Variants in GOLGA4 observed in about 807,000 individuals in gnomAD.
The protein encoded by GOLGA4 is golgin A4.
Under a neutral mutation model 265.9 loss-of-function variants are expected in GOLGA4, and 169 were observed. The ratio of observed to expected loss-of-function variants is 0.64; its 90% confidence interval spans 0.56 to 0.72. The LOEUF (loss-of-function observed/expected upper bound fraction) is 0.72. Ranked by LOEUF, GOLGA4 falls within the 30% of genes least tolerant of loss-of-function variation. The probability of loss-of-function intolerance (pLI) is 0.00; values close to 1 mark genes in which losing one functional copy is unlikely to be tolerated. For synonymous variants in GOLGA4, 923 were observed against 855.8 expected, an observed-to-expected ratio of 1.08 and a Z score of -1.37; for missense variants, 2,482 against 2,483.4, an observed-to-expected ratio of 1.00 and a Z score of 0.01.
At chr3:37,333,636 A>G (rs770941033) in intron 16 of GOLGA4, among the ~76,000 whole-genome samples, 86 of 152,198 alleles carry the variant, frequency 5.7e-4, no homozygotes, top group Admixed American at 1.2e-3. Flanking sequence ...ACAGCCATAC[A>G]AGAAATGTCA....
intron 20 of GOLGA4, among the ~76,000 whole-genome samples, chr3:37,346,065 G>A (rs2097055261): frequency 2.0e-5 from 3 of 151,998 alleles, no homozygotes; most frequent in Admixed American, 2.0e-4. Context: ...ATATATAGAA[G>A]GATATATTAC....
At chr3:37,301,042 ATC>A (rs753906266) in intron 9 of GOLGA4, among the ~76,000 whole-genome samples, 5 of 152,154 alleles carry the variant, frequency 3.3e-5, no homozygotes, top group Admixed American at 3.3e-4. Flanking sequence ...CGTGGTTGTT[ATC>A]TCTCTGTCTC....
At chr3:37,302,046 C>T in intron 9 of GOLGA4, 139 bp from the exon 10 acceptor site, 1 of 697,930 alleles carries the variant, frequency 1.4e-6, no homozygotes. Flanking sequence ...TCCTTGGCCT[C>T]CCAAAGTGCT....
At chr3:37,357,259 A>G (rs926875084) in intron 22 of GOLGA4, among the ~76,000 whole-genome samples, 4 of 152,092 alleles carry the variant, frequency 2.6e-5, no homozygotes, top group African/African-American at 9.7e-5. Context: ...CTTTTCTACT[A>G]TTCCTTTAAG....
At chr3:37,347,068 T>C in intron 20 of GOLGA4, 125 bp from the exon 21 acceptor site, 1 of 582,922 alleles carries the variant, frequency 1.7e-6, no homozygotes, top group South Asian at 2.2e-5. Flanking sequence ...TACAATGCAA[T>C]ATGATACAAT....
intron 1 of GOLGA4, chr3:37,245,320 G>A (rs564166698): frequency 2.0e-4 from 31 of 152,648 alleles, no homozygotes; most frequent in East Asian, 7.7e-4. Flanking sequence ...AGTGAGGCTC[G>A]AAGAGGTGAA....
At chr3:37,341,722 A>G (rs1365232209) in intron 20 of GOLGA4, 2 of 152,210 alleles carry the variant, frequency 1.3e-5, no homozygotes, top group East Asian at 1.9e-4. Context: ...AGGCCTGGTT[A>G]CTACTTGGAT....
intron 2 of GOLGA4, among the ~76,000 whole-genome samples, chr3:37,256,141 C>T (rs2096748083): frequency 6.6e-6 from 1 of 152,110 alleles, no homozygotes; most frequent in South Asian, 2.1e-4. Context: ...CTCTACTGTT[C>T]TACATTTTTT....
At chr3:37,356,765 GA>G (rs1253165965) in intron 22 of GOLGA4, among the ~76,000 whole-genome samples, 2 of 152,058 alleles carry the variant, frequency 1.3e-5, no homozygotes, top group Non-Finnish European at 2.9e-5. Context: ...TCCAGTTTAA[GA>G]AAATAATTTT....
intron 2 of GOLGA4, among the ~76,000 whole-genome samples, chr3:37,257,428 A>G (rs1414949571): frequency 2.0e-5 from 3 of 152,018 alleles, no homozygotes; most frequent in Non-Finnish European, 2.9e-5. Flanking sequence ...AGATCTATTA[A>G]AGTTAACTTT....
At chr3:37,299,400 A>G (rs746651588) in intron 9 of GOLGA4, 29 bp downstream of exon 9, 1 of 1,408,862 alleles carries the variant, frequency 7.1e-7, no homozygotes, top group Admixed American at 1.8e-5. Flanking sequence ...TGATACTAAA[A>G]TTTGTCAAGA....
chr3:37,314,508 G>T (rs916130290), intron 10 of GOLGA4, among the ~76,000 whole-genome samples: 1 of 151,962 alleles, frequency 6.6e-6, no homozygotes, highest in Non-Finnish European at 1.5e-5. Context: ...AGGCATGGTG[G>T]TGCATGCCTG....
intron 2 of GOLGA4, among the ~76,000 whole-genome samples, chr3:37,275,215 CAAAAAAAAAAA>C (rs749758741): frequency 8.9e-5 from 4 of 44,962 alleles, no homozygotes; most frequent in East Asian, 1.8e-3. Context: ...GACTCCGTCT[CAAAAAAAAAAA>C]AAAAAAAAAA....
chr3:37,321,764 C>T lies in GOLGA4; in HGVS notation c.1579C>T (p.Gln527Ter), dbSNP rs2096955488. 2.5e-6 allele frequency: 4 copies of T among 1,610,274 alleles called. No homozygotes were observed. The highest frequency in any genetic ancestry group is 3.4e-6 in the Non-Finnish European group (4 of 1,178,898). Residue 527 changes from glutamine (Q) to a stop codon, truncating the protein, a stop_gained, in exon 13 of 24, where the codon CAA becomes TAA. Transcript: ENST00000361924. LOFTEE classifies it high-confidence loss of function. ...TCAATCAGAATATTTGAAGATCAGC[C>T]AAGAAAAAGAACAGCAAGAATCTTT... Reference protein sequence around the residue: ...KSQSEYLKISQEKEQQESLAL... With the variant: ...KSQSEYLKIS
In GOLGA4 at chr3:37,326,554, T is replaced by C; in HGVS notation, c.4668T>C (p.Asp1556=). Residue 1556 remains aspartate (D), a synonymous_variant, in exon 14 of 24, where the codon GAT becomes GAC. Coordinates refer to ENST00000361924, the MANE Select transcript of GOLGA4 (RefSeq NM_002078.5). The part of the protein sequence containing the change: ...EVLKNYNQQK[D]IEHKELVQKL... ...TTAAAAATTACAATCAACAAAAGGATATTGAACACAAAGAATTGGTTCAGA... is the reference window on the plus strand; with the variant it reads ...TTAAAAATTACAATCAACAAAAGGACATTGAACACAAAGAATTGGTTCAGA... The C allele has an allele frequency of 6.2e-7, 1 of 1,611,146 alleles. No homozygotes were observed. Among genetic ancestry groups the C allele is most frequent in the Non-Finnish European group, 8.5e-7 (1 of 1,178,054 alleles).
chr3:37,279,925 A>G (rs1253859989), intron 2 of GOLGA4, among the ~76,000 whole-genome samples: 2 of 151,568 alleles, frequency 1.3e-5, no homozygotes, highest in East Asian at 3.9e-4. Context: ...AAAAAAAATT[A>G]AAAAGCCATC....
chr3:37,358,636 G>C (rs984216694), intron 22 of GOLGA4, among the ~76,000 whole-genome samples: 1 of 152,204 alleles, frequency 6.6e-6, no homozygotes, highest in African/African-American at 2.4e-5. Context: ...TGCGCTGAGT[G>C]ATAATGTAGG....
At chr3:37,357,811 A>G (rs1472540894) in intron 22 of GOLGA4, among the ~76,000 whole-genome samples, 1 of 152,174 alleles carries the variant, frequency 6.6e-6, no homozygotes, top group Non-Finnish European at 1.5e-5. Context: ...TATGAAAATG[A>G]TTTTTCTTTT....
At chr3:37,318,973 G>A in intron 11 of GOLGA4, 90 bp from the exon 12 acceptor site, 1 of 860,740 alleles carries the variant, frequency 1.2e-6, no homozygotes, top group East Asian at 2.7e-5. Context: ...AAACTTATTA[G>A]TTTGAGTAAA....
Sources: gnomAD v4.1 joint callset for allele counts (sites outside exome capture counted in the v4.1 genomes callset) on GRCh38, gnomAD v4.1.1 for gene constraint, MANE v1.5 for transcripts, NCBI Gene and HGNC (gene_info 2026-07-23, HGNC 2026-07-21) for gene names.